The following TMEM59L variants were observed in gnomAD, a reference collection of about 807,000 sequenced individuals.
TMEM59L encodes the protein transmembrane protein 59 like.
In TMEM59L, 31 loss-of-function variants were observed where a neutral mutation model predicts 39.6. That is an observed-to-expected ratio of 0.78 (90% CI 0.59 to 1.06). The LOEUF (loss-of-function observed/expected upper bound fraction) is 1.06, where lower values mean the gene tolerates loss of function less well. Among genes scored for constraint, TMEM59L ranks in the 50% least tolerant of loss-of-function variants. The pLI is 0.00. For missense variants in TMEM59L, 441 were observed against 451.3 expected (o/e 0.98, Z 0.21); for synonymous variants, 219 against 202.9 (o/e 1.08, Z -0.68).
Position 18,620,355 on chromosome 19 carries a change from G to C in TMEM59L, c.901-53G>C, listed in dbSNP as rs1976481826. 2.6e-6 allele frequency: 4 copies of C among 1,532,562 alleles called. No individual in the cohort carries two copies. In the African/African-American group the frequency reaches 5.5e-5, roughly 21 times the overall value. 94.9% of individuals were successfully genotyped at this position (1,532,562 alleles called of 1,614,324 possible). ...GTGGGAAGGAGACAGTCAGGGTTGG[G>C]GGCTCGGCCTCTCCCCGTCCCTCCA... On this transcript the variant is annotated intron_variant, in intron 7 of 7. Transcript: ENST00000262817.
At chr19:18,613,272 A>G (rs1156868997) in intron 1 of TMEM59L, 143 bp downstream of exon 1, 2 of 897,044 alleles carry the variant, frequency 2.2e-6, no homozygotes, top group East Asian at 6.8e-5. Flanking sequence ...GAATGGGGAG[A>G]TCTCTCCAGT....
rs1190312976 is a variant in TMEM59L at position 18,616,113 on chromosome 19, G to C, written c.547G>C (p.Val183Leu). The C allele has an allele frequency of 1.9e-6, 3 of 1,614,074 alleles. No homozygotes were observed. Among genetic ancestry groups the C allele is most frequent in the Non-Finnish European group, 2.5e-6 (3 of 1,179,968 alleles). Reference protein sequence around the residue: ...TYYLQTDNGKVVVFQTQPIVE... With the variant: ...TYYLQTDNGKLVVFQTQPIVE... ...CTACTTGCAGACTGACAATGGGAAAGTGGTGGTGTTTCAGGTGAGACCTCT... is the reference window on the plus strand; with the variant it reads ...CTACTTGCAGACTGACAATGGGAAACTGGTGGTGTTTCAGGTGAGACCTCT... Residue 183 changes from valine to leucine, a missense_variant, in exon 4 of 8, where the codon GTG (valine) becomes CTG (leucine). Val to Leu is a conservative substitution (Grantham distance 32). Transcript: ENST00000262817.
At chr19:18,613,239 G>C (rs1223660563) in intron 1 of TMEM59L, 110 bp downstream of exon 1, 23 of 1,131,358 alleles carry the variant, frequency 2.0e-5, no homozygotes, top group Non-Finnish European at 2.5e-5. Flanking sequence ...TGGTGGGGGT[G>C]TCCGTGGGGA....
intron 4 of TMEM59L, 33 bp downstream of exon 4, chr19:18,616,160 G>A: frequency 6.2e-7 from 1 of 1,611,392 alleles, no homozygotes; most frequent in Non-Finnish European, 8.5e-7. Context: ...CGCCAGAGTG[G>A]CAGATGGGTG....
intron 3 of TMEM59L, among the ~76,000 whole-genome samples, chr19:18,615,235 G>A (rs781745920): frequency 2.6e-5 from 4 of 152,060 alleles, no homozygotes; most frequent in Admixed American, 6.6e-5. Context: ...TTCCCACGTC[G>A]GCCTCCCAAA....
rs1402440349 is a variant in TMEM59L, at chr19:18,614,192, G to A, written c.405G>A (p.Gln135=). Residue 135 remains glutamine (Q), a synonymous_variant, in exon 3 of 8, where the codon CAG becomes CAA. Transcript: ENST00000262817. ...AGCCCGCGGAGCCTGAGCCGGAGCA[G>A]AAGGTGGGCCTCCCACTGCGGCCTG... ...WSQPAEPEPE[Q]KRKVLEAPSG... is the part of the protein sequence containing the mutation. 6.3e-7 allele frequency: 1 copy of A among 1,595,610 alleles called. No individual in the cohort carries two copies.
intron 3 of TMEM59L, among the ~76,000 whole-genome samples, chr19:18,615,231 C>T (rs1050598584): frequency 2.0e-5 from 3 of 152,200 alleles, no homozygotes; most frequent in Non-Finnish European, 2.9e-5. Flanking sequence ...GATCTTCCCA[C>T]GTCGGCCTCC....
At chr19:18,617,476 G>T in intron 5 of TMEM59L, 1 of 467,748 alleles carries the variant, frequency 2.1e-6, no homozygotes, top group Non-Finnish European at 4.3e-6. Context: ...ACCTCCCAGG[G>T]ATCCATGGTT....
chr19:18,617,072 T>C lies in TMEM59L; in HGVS notation c.634T>C (p.Ser212Pro), dbSNP rs751294002. The C allele has an allele frequency of 6.2e-7, 1 of 1,613,074 alleles. No individual in the cohort carries two copies. The highest frequency in any genetic ancestry group is 1.1e-5 in the South Asian group (1 of 91,064). Residue 212 changes from serine (S) to proline (P), a missense_variant, in exon 5 of 8, where the codon TCC becomes CCC. Coordinates refer to ENST00000262817, the MANE Select transcript of TMEM59L (RefSeq NM_012109.3). The stretch of plus-strand genomic sequence containing the variant: ...GCGCGTGGAGGTGACCTGGCGAGGC[T>C]CCCACCCTGAAGCCCTGGAGGTGCA... ...LQRVEVTWRG[S>P]HPEALEVHVD...
intron 1 of TMEM59L, among the ~76,000 whole-genome samples, chr19:18,613,611 C>T (rs368007554): frequency 6.6e-6 from 1 of 152,120 alleles, no homozygotes; most frequent in Non-Finnish European, 1.5e-5. Flanking sequence ...TGTCTCCCCT[C>T]CTCCCTGGAA....
intron 1 of TMEM59L, among the ~76,000 whole-genome samples, 197 bp from the exon 2 acceptor site, chr19:18,613,675 C>T (rs568767539): frequency 6.6e-6 from 1 of 152,252 alleles, no homozygotes; most frequent in South Asian, 2.1e-4. Flanking sequence ...TTTCTCTTCT[C>T]AAGCTCCCTC....
rs1209138190 is a variant in TMEM59L, at chr19:18,620,569, G to T, written c.*33G>T. The stretch of plus-strand genomic sequence containing the variant: ...CTGGCCCCATCACTGCCAACTGCAG[G>T]GGGCCCCTCGGGCCTCACTTGCCCT... On this transcript the variant is annotated 3_prime_UTR_variant, in exon 8 of 8. Transcript: ENST00000262817. 6.2e-7 allele frequency: 1 copy of T among 1,605,182 alleles called. No homozygotes were observed. Among genetic ancestry groups the T allele is most frequent in the East Asian group, 2.2e-5 (1 of 44,714 alleles).
In TMEM59L at chr19:18,613,913, C is replaced by T. The variant is rs145706240; in HGVS notation, c.213C>T (p.Ala71=). 2 of 1,613,080 alleles carry T rather than the reference C, an allele frequency of 1.2e-6. No homozygotes were observed. The highest frequency in any genetic ancestry group is 1.7e-6 in the Non-Finnish European group (2 of 1,180,026). The change falls in exon 2 of 8, where the codon GCC becomes GCT. Residue 71 remains alanine (A), a synonymous_variant. Coordinates refer to ENST00000262817, the MANE Select transcript of TMEM59L (RefSeq NM_012109.3). ...EGASESPYDR[A]VLISACERGC... ...CCTCCGAGTCTCCCTATGACAGAGC[C>T]GTTCTGATCAGCGCTTGCGAGCGTG...
At position 18,612,875 on chromosome 19, in the gene TMEM59L, C is replaced by A. The variant is rs985934608; in HGVS notation, c.-84C>A. The A allele has an allele frequency of 1.7e-6, 2 of 1,157,430 alleles. No individual in the cohort carries two copies. The highest frequency in any genetic ancestry group is 2.2e-6 in the Non-Finnish European group (2 of 918,036). The allele number at this position is 1,157,430 out of a possible 1,614,324, so 71.7% of individuals were successfully genotyped here. ...GGCTGCCTCGCTCGGGTGACGTCAG[C>A]GCCCCGGTCCCCGCCGCAGCCGCTG... is the stretch of plus-strand genomic sequence containing the variant. On this transcript the variant is annotated 5_prime_UTR_variant, in exon 1 of 8. Coordinates refer to ENST00000262817, the MANE Select transcript of TMEM59L (RefSeq NM_012109.3). This position sits in a 1 kb window ranked among gnomAD's most constrained non-coding sequence, Gnocchi z 6.2.
At position 18,616,043 on chromosome 19, in the gene TMEM59L, C is replaced by T. The variant is rs1282914763; in HGVS notation, c.477C>T (p.Asp159=). The T allele has an allele frequency of 6.2e-7, 1 of 1,614,042 alleles. No homozygotes were observed. Among genetic ancestry groups the T allele is most frequent in the African/African-American group, 1.3e-5 (1 of 74,940 alleles). Residue 159 remains aspartate (D), a synonymous_variant, in exon 4 of 8, where the codon GAC becomes GAT. Coordinates refer to ENST00000262817, the MANE Select transcript of TMEM59L (RefSeq NM_012109.3). The part of the protein sequence containing the change: ...LLDLFSTLCN[D]LVNSAQGFVS... ...ACTTGTTTTCCACCCTCTGCAATGA[C>T]CTTGTCAACTCAGCCCAGGGATTTG...
At chr19:18,616,554 A>G (rs1052605836) in intron 4 of TMEM59L, among the ~76,000 whole-genome samples, 2 of 151,652 alleles carry the variant, frequency 1.3e-5, no homozygotes, top group South Asian at 2.1e-4. Context: ...CACCACACCC[A>G]CCTAATTTTT....
rs1364145256 is a variant in TMEM59L at position 18,616,141 on chromosome 19, CA to C, written c.561+15del. The C allele has an allele frequency of 6.2e-7, 1 of 1,613,498 alleles. No individual in the cohort carries two copies. Among genetic ancestry groups the C allele is most frequent in the South Asian group, 1.1e-5 (1 of 91,056 alleles). ...GTGGTGTTTCAGGTGAGACCTCTGACAGGGGCCACGCCAGAGTGGCAGATGG... is the reference window on the plus strand; with the variant it reads ...GTGGTGTTTCAGGTGAGACCTCTGACGGGGCCACGCCAGAGTGGCAGATGG... On this transcript the variant is annotated intron_variant, in intron 4 of 7. Transcript: ENST00000262817.
intron 3 of TMEM59L, among the ~76,000 whole-genome samples, chr19:18,615,386 C>G (rs922207836): frequency 1.3e-5 from 2 of 152,222 alleles, no homozygotes; most frequent in Non-Finnish European, 2.9e-5. Flanking sequence ...GTGCCAGGCA[C>G]CTGGCAGGCA....
At chr19:18,613,722 T>C (rs1976395587) in intron 1 of TMEM59L, 150 bp from the exon 2 acceptor site, 2 of 630,824 alleles carry the variant, frequency 3.2e-6, no homozygotes, top group South Asian at 3.9e-5. Flanking sequence ...CCCCCACTAA[T>C]ATTTGTAGCC....
Sources: gnomAD v4.1 joint callset for allele counts (sites outside exome capture counted in the v4.1 genomes callset) on GRCh38, gnomAD v4.1.1 for gene constraint, Gnocchi (gnomAD v3.1) non-coding constraint, MANE v1.5 for transcripts, NCBI Gene and HGNC (gene_info 2026-07-23, HGNC 2026-07-21) for gene names.